Variants in CEP128 observed in about 807,000 individuals in gnomAD.
CEP128 encodes centrosomal protein 128kDa.
A neutral mutation model predicts 156.7 loss-of-function variants in CEP128; 132 were observed. The observed-to-expected ratio is 0.84, with a 90% CI of 0.73 to 0.97. The LOEUF (loss-of-function observed/expected upper bound fraction) is 0.97. Among genes scored for constraint, CEP128 ranks in the 50% least tolerant of loss-of-function variants. CEP128 has a pLI of 0.00. For synonymous variants in CEP128, 469 were observed against 448.9 expected, an observed-to-expected ratio of 1.04 and a Z score of -0.57; for missense variants, 1,252 against 1,281.9, an observed-to-expected ratio of 0.98 and a Z score of 0.36.
chr14:80,855,557 G>A (rs955471283), intron 9 of CEP128, among the ~76,000 whole-genome samples: 9 of 152,072 alleles, frequency 5.9e-5, no homozygotes, highest in Non-Finnish European at 1.2e-4. Flanking sequence ...AAAAATGTAC[G>A]AGATGACTAC....
In CEP128 at chr14:80,941,696, C is replaced by T. The variant is rs759718654; in HGVS notation, c.-287G>A. The T allele has an allele frequency of 6.5e-6, 1 of 152,852 alleles. No homozygotes were observed. The highest frequency in any genetic ancestry group is 6.5e-5 in the Admixed American group (1 of 15,282). 9.5% of individuals were successfully genotyped at this position (152,852 alleles called of 1,614,324 possible). ...AACTGACCAAACGCAGCGACTCAAC[C>T]GACTGTGCTCTCCCCAGACTCGCAG... On this transcript the variant is annotated 5_prime_UTR_variant, in exon 1 of 25. Transcript: ENST00000555265.
At chr14:80,591,379 C>T (rs543343998) in intron 19 of CEP128, among the ~76,000 whole-genome samples, 1 of 151,858 alleles carries the variant, frequency 6.6e-6, no homozygotes, top group East Asian at 1.9e-4. Flanking sequence ...ATAAAATAGA[C>T]TTTAAACCAA....
At chr14:80,660,248 C>T (rs1187762517) in intron 19 of CEP128, among the ~76,000 whole-genome samples, 1 of 152,172 alleles carries the variant, frequency 6.6e-6, no homozygotes, top group African/African-American at 2.4e-5. Context: ...CACTGCACTT[C>T]AAACACGTCA....
chr14:80,551,731 G>A (rs1890216362), intron 21 of CEP128, among the ~76,000 whole-genome samples: 1 of 152,172 alleles, frequency 6.6e-6, no homozygotes, highest in Admixed American at 6.6e-5. Context: ...TAGAGTAGTG[G>A]AAGAGGTGAG....
chr14:80,935,329 T>A (rs1055310098), intron 2 of CEP128, among the ~76,000 whole-genome samples: 14 of 152,146 alleles, frequency 9.2e-5, no homozygotes, highest in Admixed American at 3.9e-4. Flanking sequence ...GGTGGGTGGA[T>A]CACTTGAGGT....
chr14:80,913,457 T>C (rs1347888167), intron 4 of CEP128, among the ~76,000 whole-genome samples: 2 of 152,224 alleles, frequency 1.3e-5, no homozygotes, highest in Non-Finnish European at 2.9e-5. Context: ...TGCTTGTAAA[T>C]ACATAGAAAA....
intron 2 of CEP128, among the ~76,000 whole-genome samples, chr14:80,953,206 A>G (rs1164557154): frequency 6.6e-6 from 1 of 152,266 alleles, no homozygotes; most frequent in African/African-American, 2.4e-5. Flanking sequence ...CAGAAAAGAA[A>G]ATAACAGACT....
At chr14:80,896,755 T>C (rs1234120438) in intron 7 of CEP128, among the ~76,000 whole-genome samples, 1 of 152,184 alleles carries the variant, frequency 6.6e-6, no homozygotes, top group Admixed American at 6.5e-5. Flanking sequence ...ACTTATCACA[T>C]CATTGATATT....
chr14:80,511,931 C>T (rs1049607165), intron 23 of CEP128, among the ~76,000 whole-genome samples: 1 of 151,922 alleles, frequency 6.6e-6, no homozygotes, highest in Non-Finnish European at 1.5e-5. Flanking sequence ...CCCTTGCAGT[C>T]AGAGAAGATA....
chr14:80,732,965 G>A (rs1898350449), intron 19 of CEP128, among the ~76,000 whole-genome samples: 1 of 152,126 alleles, frequency 6.6e-6, no homozygotes, highest in African/African-American at 2.4e-5. Flanking sequence ...CTGAGCCACA[G>A]GGTGCCCAGA....
At position 80,831,223 on chromosome 14, in the gene CEP128, T is replaced by C. The variant is rs755319550; in HGVS notation, c.1129A>G (p.Met377Val). Residue 377 changes from methionine to valine, a missense_variant, in exon 13 of 25, where the codon ATG becomes GTG. Met to Val is a conservative substitution (Grantham distance 21). Coordinates refer to ENST00000555265, the MANE Select transcript of CEP128 (RefSeq NM_152446.5). ...TTCACTTCCTCTAACTCAGATGCCA[T>C]TGCGCTGAAGTTCAGCTGCACTCTC... ...DLRVQLNFSA[M>V]ASELEEVKRC... The C allele has an allele frequency of 3.7e-6, 6 of 1,614,010 alleles. No homozygotes were observed. Among genetic ancestry groups the C allele is most frequent in the East Asian group, 2.2e-5 (1 of 44,870 alleles).
intron 13 of CEP128, chr14:80,830,334 G>T: frequency 6.5e-6 from 3 of 462,320 alleles, no homozygotes; most frequent in East Asian, 3.3e-5. Context: ...TATTTCCTTT[G>T]GGTTATATAA....
At chr14:80,877,883 C>T (rs555371196) in intron 8 of CEP128, among the ~76,000 whole-genome samples, 1 of 152,240 alleles carries the variant, frequency 6.6e-6, no homozygotes, top group South Asian at 2.1e-4. Flanking sequence ...CACCCCCCAC[C>T]GCAGGTACCT....
chr14:80,870,102 A>C (rs1049178226), intron 8 of CEP128, among the ~76,000 whole-genome samples: 4 of 152,072 alleles, frequency 2.6e-5, no homozygotes, highest in Non-Finnish European at 4.4e-5. Flanking sequence ...TTGAATCAGT[A>C]ATCAAAGACC....
intron 2 of CEP128, among the ~76,000 whole-genome samples, chr14:80,949,376 G>A (rs895764926): frequency 1.3e-5 from 2 of 152,252 alleles, no homozygotes; most frequent in Admixed American, 6.5e-5. Flanking sequence ...GAGCTACGTA[G>A]AGAGAAAACT....
chr14:80,487,866 C>T (rs1000305496), downstream of CEP128, among the ~76,000 whole-genome samples: 44 of 152,120 alleles, frequency 2.9e-4, 1 homozygote, highest in African/African-American at 1.0e-3. Context: ...CTCTGGGACA[C>T]ATTCAAAGCA....
chr14:80,521,988 T>C (rs557529597), intron 23 of CEP128, among the ~76,000 whole-genome samples: 78 of 152,344 alleles, frequency 5.1e-4, no homozygotes, highest in African/African-American at 1.0e-3. Flanking sequence ...AGTTTACATA[T>C]GACTTCTTAT....
chr14:80,741,428 G>A (rs1885801245), intron 19 of CEP128, among the ~76,000 whole-genome samples: 1 of 152,014 alleles, frequency 6.6e-6, no homozygotes, highest in Admixed American at 6.6e-5. Context: ...ACTTCTAAGA[G>A]GTTCCTGACA....
chr14:80,549,626 AAC>A (rs1422035286), intron 21 of CEP128, among the ~76,000 whole-genome samples: 1 of 152,202 alleles, frequency 6.6e-6, no homozygotes, highest in African/African-American at 2.4e-5. Flanking sequence ...GCAAATAATT[AAC>A]AGTTATTTGG....
Sources: allele counts gnomAD v4.1 joint callset (sites outside exome capture counted in the v4.1 genomes callset), GRCh38; gene constraint gnomAD v4.1.1; transcripts MANE v1.5; gene names NCBI Gene and HGNC (gene_info 2026-07-23, HGNC 2026-07-21).